Variants in PDS5B observed in about 807,000 individuals in gnomAD.
The protein encoded by PDS5B is PDS5 cohesin associated factor B.
A neutral mutation model predicts 184.1 loss-of-function variants in PDS5B; 51 were observed. That is an observed-to-expected ratio of 0.28 (90% CI 0.22 to 0.35). PDS5B has a LOEUF of 0.35. Among genes scored for constraint, PDS5B ranks in the 10% least tolerant of loss-of-function variants. The pLI, the probability that PDS5B is intolerant of heterozygous loss-of-function variation, is 1.00. For missense variants in PDS5B, 1,180 were observed against 1,723.3 expected (o/e 0.68, Z 5.58); for synonymous variants, 566 against 569.2 (o/e 0.99, Z 0.08).
intron 11 of PDS5B, among the ~76,000 whole-genome samples, 162 bp from the exon 12 acceptor site, chr13:32,686,972 G>T (rs1443507949): frequency 1.3e-5 from 2 of 150,570 alleles, no homozygotes; most frequent in African/African-American, 4.9e-5. Flanking sequence ...TGATAGTTGT[G>T]TTTTTTTTTA....
intron 6 of PDS5B, 125 bp downstream of exon 6, chr13:32,659,405 T>C (rs1950589935): frequency 1.8e-6 from 1 of 551,736 alleles, no homozygotes; most frequent in Non-Finnish European, 2.9e-6. Flanking sequence ...GGTTTAGTTA[T>C]ATTAATACAT....
intron 17 of PDS5B, 100 bp downstream of exon 17, chr13:32,701,538 T>A: frequency 1.5e-6 from 1 of 658,776 alleles, no homozygotes; most frequent in Non-Finnish European, 2.7e-6. Context: ...GCTACACATC[T>A]GTGTGTATTG....
intron 19 of PDS5B, among the ~76,000 whole-genome samples, chr13:32,714,545 C>G (rs1292407022): frequency 6.6e-6 from 1 of 152,140 alleles, no homozygotes; most frequent in Non-Finnish European, 1.5e-5. Flanking sequence ...CCATAAGAGA[C>G]AGGCGCACCT....
At chr13:32,741,566 C>T (rs1953554662) in intron 22 of PDS5B, among the ~76,000 whole-genome samples, 1 of 152,108 alleles carries the variant, frequency 6.6e-6, no homozygotes. Flanking sequence ...GGTATAGACT[C>T]TTGATTTATT....
intron 8 of PDS5B, among the ~76,000 whole-genome samples, chr13:32,674,913 G>T (rs1232288513): frequency 6.6e-6 from 1 of 150,960 alleles, no homozygotes; most frequent in African/African-American, 2.4e-5. Flanking sequence ...GAGTTTTGGG[G>T]AATAGAGGTT....
intron 1 of PDS5B, among the ~76,000 whole-genome samples, chr13:32,646,369 G>GTTTTTTTTTTTTT (rs58539534): frequency 9.4e-6 from 1 of 106,070 alleles, no homozygotes; most frequent in Non-Finnish European, 1.7e-5. Flanking sequence ...TCATGGCTGT[G>GTTTTTTTTTTTTT]TTTTTTTTTT....
intron 1 of PDS5B, among the ~76,000 whole-genome samples, chr13:32,631,686 T>G (rs1298787977): frequency 6.6e-6 from 1 of 152,204 alleles, no homozygotes; most frequent in Non-Finnish European, 1.5e-5. Context: ...TTGTGAAAAT[T>G]AGGAGTTCTT....
chr13:32,725,482 A>G (rs1952866487), intron 19 of PDS5B, among the ~76,000 whole-genome samples: 1 of 152,094 alleles, frequency 6.6e-6, no homozygotes, highest in Non-Finnish European at 1.5e-5. Flanking sequence ...CCAGACCTGG[A>G]ATTGGCCAAT....
At position 32,721,328 on chromosome 13, in the gene PDS5B, G is replaced by A. The variant is rs555118676; in HGVS notation, c.2124-10773G>A. Reference sequence around the variant, plus strand: ...CGGGGGAACCCCCCACCTCCCAGACGGGGCGGCTGCCGGGCGAGGGCTCCC... The same window carrying A: ...CGGGGGAACCCCCCACCTCCCAGACAGGGCGGCTGCCGGGCGAGGGCTCCC... On this transcript the variant is annotated intron_variant, in intron 19 of 34. Coordinates refer to ENST00000315596, the MANE Select transcript of PDS5B (RefSeq NM_015032.4). Among the ~76,000 whole-genome samples the A allele has an allele frequency of 1.4e-3, 217 of 152,058 alleles. 15 individuals carry two copies. The highest frequency in any genetic ancestry group is 1.1e-3 in the Non-Finnish European group (76 of 67,930).
In PDS5B at chr13:32,675,889, A is replaced by G; in HGVS notation, c.892A>G (p.Lys298Glu). 1 of 1,613,854 alleles carries G rather than the reference A, an allele frequency of 6.2e-7. No homozygotes were observed. Among genetic ancestry groups the G allele is most frequent in the Non-Finnish European group, 8.5e-7 (1 of 1,179,806 alleles). The change falls in exon 9 of 35, where the codon AAA becomes GAA. Residue 298 changes from lysine to glutamate, a missense_variant. Around this residue, in one of 11 missense-constraint regions of PDS5B, gnomAD observed 475 missense variants for 691.5 expected, o/e 0.69. Transcript: ENST00000315596. ...ERLQVVKLLA[K>E]MFGAKDSELA... ...CCTACAAGTTGTTAAACTACTGGCA[A>G]AAATGTTTGGGGCAAAGGATTCAGA...
chr13:32,722,691 AG>A (rs1441190293), intron 19 of PDS5B, among the ~76,000 whole-genome samples: 1 of 152,256 alleles, frequency 6.6e-6, no homozygotes, highest in Non-Finnish European at 1.5e-5. Context: ...AAAGGACAAA[AG>A]AGAAAAATGT....
At position 32,684,034 on chromosome 13, in the gene PDS5B, A is replaced by G. The variant is rs1951319963; in HGVS notation, c.1203+11A>G. On this transcript the variant is annotated intron_variant, in intron 11 of 34. Coordinates refer to ENST00000315596, the MANE Select transcript of PDS5B (RefSeq NM_015032.4). The stretch of plus-strand genomic sequence containing the variant: ...ACATTAGACAAACGAGTAAGTATGA[A>G]TAAATAATTATTACTAAGTTTTCAT... The G allele has an allele frequency of 2.2e-6, 3 of 1,341,488 alleles. No homozygotes were observed. Among genetic ancestry groups the G allele is most frequent in the Non-Finnish European group, 3.1e-6 (3 of 972,046 alleles). The allele number at this position is 1,341,488 out of a possible 1,614,324, so 83.1% of individuals were successfully genotyped here.
At chr13:32,669,789 T>C (rs1187167391) in intron 7 of PDS5B, among the ~76,000 whole-genome samples, 1 of 152,212 alleles carries the variant, frequency 6.6e-6, no homozygotes, top group African/African-American at 2.4e-5. Context: ...TTCTTATTTC[T>C]CCCTGTTTTC....
intron 1 of PDS5B, among the ~76,000 whole-genome samples, chr13:32,595,266 CA>C: frequency 6.6e-6 from 1 of 152,220 alleles, no homozygotes; most frequent in East Asian, 1.9e-4. Context: ...CTAACTCTCA[CA>C]TTACATAAGT....
At position 32,691,960 on chromosome 13, in the gene PDS5B, G is replaced by A. The variant is rs540590254; in HGVS notation, c.1470-2263G>A. On this transcript the variant is annotated intron_variant, in intron 13 of 34. Transcript: ENST00000315596. ...TTTTATAGTTTTATGGTCCATTAAT[G>A]TTCTGATTTCACCACACTCCCCACT... Among the ~76,000 whole-genome samples the A allele has an allele frequency of 3.9e-5, 6 of 152,016 alleles. No individual in the cohort carries two copies. In the South Asian group the frequency reaches 1.0e-3, roughly 26 times the overall value.
chr13:32,706,039 A>G (rs1951999603), intron 17 of PDS5B, among the ~76,000 whole-genome samples: 1 of 152,028 alleles, frequency 6.6e-6, no homozygotes, highest in Non-Finnish European at 1.5e-5. Flanking sequence ...GCACTTTGAG[A>G]GGCAAAGGCG....
chr13:32,680,152 A>G (rs911026159), intron 10 of PDS5B, among the ~76,000 whole-genome samples: 1 of 151,962 alleles, frequency 6.6e-6, no homozygotes, highest in East Asian at 1.9e-4. Flanking sequence ...ATGATTGGCA[A>G]TCCGAGGCCG....
chr13:32,763,242 A>T (rs1321423193), intron 30 of PDS5B, among the ~76,000 whole-genome samples: 1 of 152,216 alleles, frequency 6.6e-6, no homozygotes, highest in South Asian at 2.1e-4. Flanking sequence ...TTTAAGTGCA[A>T]CTGAAAGATT....
chr13:32,711,729 G>C (rs1334630037), intron 19 of PDS5B, among the ~76,000 whole-genome samples: 1 of 152,186 alleles, frequency 6.6e-6, no homozygotes, highest in African/African-American at 2.4e-5. Flanking sequence ...CTCCTAGTCA[G>C]ATCAGAGATG....
Sources: gnomAD v4.1 joint callset for allele counts (sites outside exome capture counted in the v4.1 genomes callset) on GRCh38, gnomAD v4.1.1 for gene constraint, gnomAD v4.1.1 regional missense constraint, MANE v1.5 for transcripts, NCBI Gene and HGNC (gene_info 2026-07-23, HGNC 2026-07-21) for gene names.